HECW2: variants seen among roughly 807,000 people sequenced by gnomAD.
HECW2 encodes the protein HECT, C2 and WW domain containing E3 ubiquitin protein ligase 2, also known as E3 ubiquitin-protein ligase HECW2.
In HECW2, 61 loss-of-function variants were observed where a neutral mutation model predicts 175.2. The ratio of observed to expected loss-of-function variants is 0.35; its 90% confidence interval spans 0.28 to 0.43. The LOEUF (loss-of-function observed/expected upper bound fraction) is 0.43, where lower values mean the gene tolerates loss of function less well. HECW2 is among the 20% of genes least tolerant of loss of function. The probability of loss-of-function intolerance (pLI) is 1.00; values close to 1 mark genes in which losing one functional copy is unlikely to be tolerated. For missense variants in HECW2, 1,524 were observed against 2,000.5 expected (o/e 0.76, Z 4.54); for synonymous variants, 671 against 731.0 (o/e 0.92, Z 1.32).
At chr2:196,352,342 C>T (rs1013950522) in intron 2 of HECW2, among the ~76,000 whole-genome samples, 1 of 152,012 alleles carries the variant, frequency 6.6e-6, no homozygotes, top group African/African-American at 2.4e-5. Flanking sequence ...CAGCACATTA[C>T]TGGGTAGAAA....
chr2:196,256,355 C>T (rs533745248), intron 18 of HECW2, among the ~76,000 whole-genome samples: 16 of 152,262 alleles, frequency 1.1e-4, no homozygotes, highest in Non-Finnish European at 2.1e-4. Context: ...GGAGAAAATG[C>T]AGCCTTGCTC....
rs1260090811 is a variant in HECW2 at position 196,329,668 on chromosome 2, G to T, written c.496-18C>A. 1.2e-6 allele frequency: 2 copies of T among 1,609,124 alleles called. No individual in the cohort carries two copies. The highest frequency in any genetic ancestry group is 2.2e-5 in the South Asian group (2 of 90,954). Reference sequence around the variant, plus strand: ...GCCCCCATCTGAAAAGAAAAAACATGCATCTGAAGTTTCAGAAGCATATGA... The same window carrying T: ...GCCCCCATCTGAAAAGAAAAAACATTCATCTGAAGTTTCAGAAGCATATGA... On this transcript the variant is annotated intron_variant, in intron 4 of 28. Transcript: ENST00000644978.
At chr2:196,514,560 T>G (rs896830348) in intron 1 of HECW2, among the ~76,000 whole-genome samples, 2 of 152,178 alleles carry the variant, frequency 1.3e-5, no homozygotes, top group African/African-American at 4.8e-5. Context: ...TGAGAACTTA[T>G]GGTGCTTTTT....
intron 2 of HECW2, among the ~76,000 whole-genome samples, chr2:196,421,672 T>C (rs1695410947): frequency 6.6e-6 from 1 of 152,186 alleles, no homozygotes; most frequent in Non-Finnish European, 1.5e-5. Flanking sequence ...ATATTTACAA[T>C]TATTTAACAT....
intron 1 of HECW2, among the ~76,000 whole-genome samples, chr2:196,508,048 T>C (rs764205670): frequency 1.3e-5 from 2 of 152,242 alleles, no homozygotes; most frequent in African/African-American, 2.4e-5. Flanking sequence ...TGTTTTCTTA[T>C]GCCATTTATA....
intron 28 of HECW2, among the ~76,000 whole-genome samples, chr2:196,213,914 A>G (rs1687379024): frequency 6.6e-6 from 1 of 152,166 alleles, no homozygotes; most frequent in African/African-American, 2.4e-5. Context: ...TCAAAGATGA[A>G]GTGTTCTCTA....
At chr2:196,527,374 G>C (rs928832398) in intron 1 of HECW2, among the ~76,000 whole-genome samples, 13 of 152,248 alleles carry the variant, frequency 8.5e-5, no homozygotes, top group Non-Finnish European at 1.3e-4. Flanking sequence ...TGCGCCCACT[G>C]TCTGGCACTC....
At chr2:196,521,151 A>C (rs1460236614) in intron 1 of HECW2, among the ~76,000 whole-genome samples, 2 of 152,056 alleles carry the variant, frequency 1.3e-5, no homozygotes, top group Non-Finnish European at 2.9e-5. Context: ...GTAAAGTAAT[A>C]ATAACAGGCC....
intron 4 of HECW2, among the ~76,000 whole-genome samples, chr2:196,330,142 T>C (rs950622291): frequency 3.3e-5 from 5 of 152,180 alleles, no homozygotes; most frequent in African/African-American, 9.7e-5. Flanking sequence ...TAGGCTTGTG[T>C]TCTATTGTGC....
At chr2:196,403,810 A>C (rs1308474058) in intron 2 of HECW2, among the ~76,000 whole-genome samples, 2 of 152,222 alleles carry the variant, frequency 1.3e-5, no homozygotes, top group Non-Finnish European at 2.9e-5. Flanking sequence ...TAATAATAAC[A>C]AAAAAGAACA....
intron 1 of HECW2, among the ~76,000 whole-genome samples, chr2:196,446,027 T>A (rs915500981): frequency 6.6e-6 from 1 of 152,286 alleles, no homozygotes; most frequent in Non-Finnish European, 1.5e-5. Flanking sequence ...AATCCTCCAA[T>A]AACCCCTATC....
chr2:196,327,537 T>C (rs1559044286), intron 5 of HECW2, among the ~76,000 whole-genome samples: 3 of 152,224 alleles, frequency 2.0e-5, no homozygotes, highest in Middle Eastern at 3.2e-3. Context: ...ATTTTAGCCA[T>C]AAAATTCAAG....
intron 4 of HECW2, chr2:196,331,091 C>G: frequency 1.1e-6 from 1 of 943,190 alleles, no homozygotes; most frequent in Non-Finnish European, 1.3e-6. Flanking sequence ...TCCGCTGTAA[C>G]TCCTGTACCT....
chr2:196,264,051 T>C (rs1689414104), intron 17 of HECW2: 1 of 152,232 alleles, frequency 6.6e-6, no homozygotes, highest in African/African-American at 2.4e-5. Context: ...CTAAATCAAC[T>C]TGCCAACATA....
intron 28 of HECW2, among the ~76,000 whole-genome samples, chr2:196,205,497 T>C (rs1687035713): frequency 6.6e-6 from 1 of 152,180 alleles, no homozygotes; most frequent in South Asian, 2.1e-4. Context: ...AAATGAATAA[T>C]TCAATCACAA....
intron 1 of HECW2, among the ~76,000 whole-genome samples, chr2:196,591,761 C>T (rs1691202287): frequency 1.3e-5 from 2 of 152,156 alleles, no homozygotes; most frequent in East Asian, 1.9e-4. Flanking sequence ...AAACAATCCC[C>T]GCAGGAATCT....
chr2:196,225,413 G>A (rs1251145199), intron 23 of HECW2, among the ~76,000 whole-genome samples: 1 of 152,226 alleles, frequency 6.6e-6, no homozygotes, highest in Non-Finnish European at 1.5e-5. Flanking sequence ...GGGGCTGTGA[G>A]TCACTAAGAC....
intron 3 of HECW2, among the ~76,000 whole-genome samples, chr2:196,335,230 A>G (rs1559049626): frequency 6.6e-6 from 1 of 152,248 alleles, no homozygotes; most frequent in Non-Finnish European, 1.5e-5. Context: ...TTTTTCTGAT[A>G]ATTCCACTTT....
intron 2 of HECW2, among the ~76,000 whole-genome samples, chr2:196,347,198 G>A (rs1029368329): frequency 2.0e-5 from 3 of 149,302 alleles, no homozygotes; most frequent in Non-Finnish European, 3.0e-5. Flanking sequence ...GATTACAGGC[G>A]CCTGCCACCA....
Sources: gnomAD v4.1 joint callset for allele counts (sites outside exome capture counted in the v4.1 genomes callset) on GRCh38, gnomAD v4.1.1 for gene constraint, MANE v1.5 for transcripts, NCBI Gene and HGNC (gene_info 2026-07-23, HGNC 2026-07-21) for gene names.